The following EXOC4 variants were observed in gnomAD, a reference collection of about 807,000 sequenced individuals.
EXOC4 encodes the protein SEC8-like 1.
Under a neutral mutation model 107.2 loss-of-function variants are expected in EXOC4, and 71 were observed. The ratio of observed to expected loss-of-function variants is 0.66; its 90% CI spans 0.55 to 0.81. The LOEUF is 0.81. Among genes scored for constraint, EXOC4 ranks in the 30% least tolerant of loss-of-function variants. The pLI is 0.00. For synonymous variants in EXOC4, 456 were observed against 441.2 expected, an observed-to-expected ratio of 1.03 and a Z score of -0.42; for missense variants, 1,108 against 1,189.6, an observed-to-expected ratio of 0.93 and a Z score of 1.01.
chr7:133,605,950 G>A (rs1801935167), intron 9 of EXOC4, among the ~76,000 whole-genome samples: 1 of 152,114 alleles, frequency 6.6e-6, no homozygotes, highest in Non-Finnish European at 1.5e-5. Context: ...GTGTCAGGAG[G>A]AGAATCAAGA....
chr7:133,566,279 G>T (rs758630467), intron 9 of EXOC4, among the ~76,000 whole-genome samples: 1 of 152,142 alleles, frequency 6.6e-6, no homozygotes, highest in Non-Finnish European at 1.5e-5. Flanking sequence ...TAAGTCAGAA[G>T]CCAGTAATTA....
intron 2 of EXOC4, among the ~76,000 whole-genome samples, chr7:133,286,270 A>C (rs919090643): frequency 6.6e-6 from 1 of 152,052 alleles, no homozygotes; most frequent in Non-Finnish European, 1.5e-5. Context: ...GGAGTTTTAA[A>C]ATTTCTATTT....
intron 7 of EXOC4, among the ~76,000 whole-genome samples, chr7:133,435,431 G>A (rs1797948443): frequency 6.6e-6 from 1 of 152,118 alleles, no homozygotes; most frequent in African/African-American, 2.4e-5. Context: ...AACTATTGTG[G>A]TATAAGCTGC....
At chr7:133,903,502 G>C (rs540421430) in intron 12 of EXOC4, among the ~76,000 whole-genome samples, 1 of 152,282 alleles carries the variant, frequency 6.6e-6, no homozygotes, top group African/African-American at 2.4e-5. Flanking sequence ...GGGTGTGAGA[G>C]AAAGAAAGGT....
At chr7:133,954,940 G>C (rs1457457031) in intron 14 of EXOC4, among the ~76,000 whole-genome samples, 5 of 152,270 alleles carry the variant, frequency 3.3e-5, no homozygotes, top group African/African-American at 1.2e-4. Flanking sequence ...CCTGGCACCA[G>C]GGAACACGGT....
chr7:133,897,345 A>G (rs1799343334), intron 12 of EXOC4, among the ~76,000 whole-genome samples: 2 of 152,284 alleles, frequency 1.3e-5, no homozygotes, highest in South Asian at 2.1e-4. Flanking sequence ...GGTTAAAATC[A>G]TACATATACT....
At chr7:133,617,429 A>T (rs56868289) in intron 9 of EXOC4, among the ~76,000 whole-genome samples, 52 of 152,242 alleles carry the variant, frequency 3.4e-4, no homozygotes, top group Non-Finnish European at 5.1e-4. Context: ...ATAAAACATT[A>T]AAAAATGTGT....
chr7:133,606,319 A>G (rs924033759), intron 9 of EXOC4, among the ~76,000 whole-genome samples: 7 of 151,668 alleles, frequency 4.6e-5, no homozygotes, highest in Non-Finnish European at 8.8e-5. Context: ...CTTATCCCCA[A>G]TATTGCTCTG....
At chr7:133,649,485 TAACCAGTAAAGATTA>T (rs1562891252) in intron 10 of EXOC4, among the ~76,000 whole-genome samples, 3 of 132,876 alleles carry the variant, frequency 2.3e-5, no homozygotes, top group Non-Finnish European at 3.1e-5. Context: ...TTTTTTTTTT[TAACCAGTAAAGATTA>T]TTTATAACTT....
At chr7:133,645,020 C>T (rs1249942199) in intron 10 of EXOC4, among the ~76,000 whole-genome samples, 1 of 151,922 alleles carries the variant, frequency 6.6e-6, no homozygotes, top group Admixed American at 6.6e-5. Flanking sequence ...CCCTTTTCCT[C>T]CTCCTTCACC....
intron 10 of EXOC4, among the ~76,000 whole-genome samples, chr7:133,673,685 G>C (rs912707421): frequency 2.0e-5 from 3 of 152,166 alleles, no homozygotes; most frequent in Non-Finnish European, 4.4e-5. Flanking sequence ...CGTTAGCATA[G>C]AGGTAAATCT....
intron 5 of EXOC4, among the ~76,000 whole-genome samples, chr7:133,332,498 C>A: frequency 6.6e-6 from 1 of 152,114 alleles, no homozygotes; most frequent in East Asian, 1.9e-4. Context: ...GCCTGTAATT[C>A]CAGCTACTCA....
intron 7 of EXOC4, among the ~76,000 whole-genome samples, chr7:133,380,100 G>T (rs1479078496): frequency 6.6e-6 from 1 of 151,650 alleles, no homozygotes; most frequent in South Asian, 2.1e-4. Flanking sequence ...GGGGTGGGGG[G>T]ATGGGGGAGG....
At chr7:134,049,380 C>T (rs2116570488) in intron 17 of EXOC4, among the ~76,000 whole-genome samples, 1 of 152,296 alleles carries the variant, frequency 6.6e-6, no homozygotes, top group Non-Finnish European at 1.5e-5. Context: ...GCTTGCCTTG[C>T]CCACCTTTCC....
chr7:133,509,081 G>C (rs1256163807), intron 9 of EXOC4, among the ~76,000 whole-genome samples: 1 of 152,088 alleles, frequency 6.6e-6, no homozygotes, highest in Non-Finnish European at 1.5e-5. Context: ...AGGTGGCAGT[G>C]TTTCCAGTGA....
chr7:133,975,746 C>T (rs1445196099), intron 14 of EXOC4, among the ~76,000 whole-genome samples: 1 of 12,540 alleles, frequency 8.0e-5, no homozygotes, highest in African/African-American at 4.4e-4. Flanking sequence ...AATGCGTGTG[C>T]ACACACACAC....
At chr7:133,523,563 G>T (rs1800021517) in intron 9 of EXOC4, among the ~76,000 whole-genome samples, 1 of 151,692 alleles carries the variant, frequency 6.6e-6, no homozygotes. Flanking sequence ...TCTAGCATTA[G>T]GTATATCTCC....
chr7:133,599,791 C>G (rs1801763576), intron 9 of EXOC4, among the ~76,000 whole-genome samples: 1 of 151,250 alleles, frequency 6.6e-6, no homozygotes, highest in Non-Finnish European at 1.5e-5. Context: ...GATTCTTATT[C>G]TATAAAGTAC....
At chr7:133,919,503 C>G (rs1049735144) in intron 13 of EXOC4, among the ~76,000 whole-genome samples, 6 of 152,072 alleles carry the variant, frequency 3.9e-5, no homozygotes, top group Admixed American at 2.6e-4. Context: ...TTTTGCTGCC[C>G]TAAAAACTTC....
Sources: gnomAD v4.1 joint callset for allele counts (sites outside exome capture counted in the v4.1 genomes callset) on GRCh38, gnomAD v4.1.1 for gene constraint, MANE v1.5 for transcripts, NCBI Gene and HGNC (gene_info 2026-07-23, HGNC 2026-07-21) for gene names.